The following GULP1 variants were observed in gnomAD, a reference collection of about 807,000 sequenced individuals.
GULP1 encodes PTB domain-containing engulfment adapter protein 1.
A neutral mutation model predicts 40.9 loss-of-function variants in GULP1; 19 were observed. The observed-to-expected ratio is 0.46, with a 90% CI of 0.32 to 0.68. The LOEUF (loss-of-function observed/expected upper bound fraction) is 0.68, where lower values mean the gene tolerates loss of function less well. Ranked by LOEUF, GULP1 falls within the 30% of genes least tolerant of loss-of-function variation. The pLI is 0.03. For synonymous variants in GULP1, 119 were observed against 117.6 expected (o/e 1.01, Z -0.08); for missense variants, 312 against 362.2 (o/e 0.86, Z 1.12).
intron 2 of GULP1, among the ~76,000 whole-genome samples, chr2:188,430,896 G>A (rs778678224): frequency 3.9e-5 from 6 of 152,196 alleles, no homozygotes; most frequent in Non-Finnish European, 8.8e-5. Flanking sequence ...TACTCAAGGA[G>A]ATTAAGAATC....
chr2:188,496,349 C>T (rs148928119), intron 4 of GULP1, among the ~76,000 whole-genome samples: 2 of 152,066 alleles, frequency 1.3e-5, no homozygotes, highest in South Asian at 2.1e-4. Context: ...TTTTATTGCT[C>T]ATTAGAATGG....
chr2:188,429,713 G>GTTT (rs1285532269), intron 2 of GULP1, among the ~76,000 whole-genome samples: 1 of 146,164 alleles, frequency 6.8e-6, no homozygotes, highest in Non-Finnish European at 1.5e-5. Flanking sequence ...TATTTTTGTT[G>GTTT]TTTTTTTTTT....
intron 4 of GULP1, among the ~76,000 whole-genome samples, chr2:188,489,124 A>G (rs567385671): frequency 1.3e-5 from 2 of 152,180 alleles, no homozygotes; most frequent in South Asian, 4.1e-4. Context: ...CAGGTTTTAG[A>G]AATAAATGAC....
intron 1 of GULP1, among the ~76,000 whole-genome samples, chr2:188,357,701 A>G (rs554169092): frequency 6.6e-6 from 1 of 152,278 alleles, no homozygotes; most frequent in South Asian, 2.1e-4. Flanking sequence ...TACTGGGTAT[A>G]TCTAAAGGAA....
At chr2:188,560,883 A>T (rs1373056708) in intron 7 of GULP1, among the ~76,000 whole-genome samples, 1 of 152,232 alleles carries the variant, frequency 6.6e-6, no homozygotes, top group Admixed American at 6.5e-5. Flanking sequence ...CCTACTCACT[A>T]TTATGAGAAC....
chr2:188,483,845 C>T (rs2061630920), intron 4 of GULP1, among the ~76,000 whole-genome samples: 1 of 151,982 alleles, frequency 6.6e-6, no homozygotes, highest in Admixed American at 6.6e-5. Flanking sequence ...ATATAAAAAC[C>T]TGCAAATGAG....
intron 1 of GULP1, among the ~76,000 whole-genome samples, chr2:188,373,280 TA>T (rs1420185999): frequency 6.6e-6 from 1 of 151,898 alleles, no homozygotes; most frequent in Non-Finnish European, 1.5e-5. Flanking sequence ...AAAAGTAGCC[TA>T]ATACTTTCTG....
At chr2:188,470,260 A>G (rs2060478954) in intron 2 of GULP1, among the ~76,000 whole-genome samples, 1 of 152,088 alleles carries the variant, frequency 6.6e-6, no homozygotes, top group African/African-American at 2.4e-5. Flanking sequence ...CATGTTTTGA[A>G]TATCTTCCTG....
chr2:188,409,480 G>A (rs2053582508), intron 2 of GULP1, among the ~76,000 whole-genome samples: 1 of 152,062 alleles, frequency 6.6e-6, no homozygotes, highest in African/African-American at 2.4e-5. Flanking sequence ...TCCCATGAAG[G>A]AAAAGCCCAG....
intron 1 of GULP1, among the ~76,000 whole-genome samples, chr2:188,369,175 A>G (rs1427867270): frequency 2.0e-5 from 3 of 151,260 alleles, no homozygotes; most frequent in Non-Finnish European, 3.0e-5. Flanking sequence ...TGGTGATGCT[A>G]GTCTCAAACC....
At chr2:188,329,761 T>C (rs1248001716) in intron 1 of GULP1, among the ~76,000 whole-genome samples, 1 of 152,048 alleles carries the variant, frequency 6.6e-6, no homozygotes, top group Non-Finnish European at 1.5e-5. Context: ...GCAATGGTGA[T>C]TGTAGAAGCA....
intron 4 of GULP1, among the ~76,000 whole-genome samples, chr2:188,502,705 A>G (rs1372782852): frequency 1.3e-5 from 2 of 151,962 alleles, no homozygotes; most frequent in African/African-American, 4.8e-5. Context: ...CAGTAATTTA[A>G]TTTAATCTCT....
intron 4 of GULP1, among the ~76,000 whole-genome samples, chr2:188,517,919 C>T (rs111803641): frequency 4.6e-5 from 7 of 151,996 alleles, no homozygotes; most frequent in African/African-American, 1.7e-4. Context: ...CAGAGGTCCC[C>T]GGCCTAATTC....
At chr2:188,408,954 A>G (rs1349087444) in intron 2 of GULP1, among the ~76,000 whole-genome samples, 2 of 152,204 alleles carry the variant, frequency 1.3e-5, no homozygotes, top group African/African-American at 4.8e-5. Flanking sequence ...GTGAAAATGG[A>G]AGCACAATAT....
intron 2 of GULP1, among the ~76,000 whole-genome samples, chr2:188,425,885 C>A (rs150868180): frequency 8.0e-4 from 122 of 152,072 alleles, no homozygotes; most frequent in Middle Eastern, 6.8e-3. Context: ...TATCTAGGAT[C>A]GTATTTTCAT....
rs140375627 is a variant in GULP1, at chr2:188,475,415, G to T, written c.-44-2244G>T. ...AGAGTTTTTTTTTGTTGTTATTCTT[G>T]TTCCATTTATATGCCCCCAAGTTGT... is the stretch of plus-strand genomic sequence containing the variant. On this transcript the variant is annotated intron_variant, in intron 2 of 11. Coordinates refer to ENST00000409830, the MANE Select transcript of GULP1 (RefSeq NM_016315.4). Among the ~76,000 whole-genome samples the T allele has an allele frequency of 8.3e-3, 1,257 of 151,492 alleles. 5 individuals are homozygous for T. The highest frequency in any genetic ancestry group is 0.013 in the Non-Finnish European group (907 of 67,754).
At chr2:188,487,063 T>A (rs1374455013) in intron 4 of GULP1, among the ~76,000 whole-genome samples, 3 of 151,972 alleles carry the variant, frequency 2.0e-5, no homozygotes, top group Non-Finnish European at 4.4e-5. Context: ...ATTAGAATGT[T>A]AATGCAGAAA....
At chr2:188,443,563 AACAGT>A (rs1318612644) in intron 2 of GULP1, among the ~76,000 whole-genome samples, 5 of 152,242 alleles carry the variant, frequency 3.3e-5, no homozygotes, top group Non-Finnish European at 5.9e-5. Flanking sequence ...ACTCATCTAG[AACAGT>A]ATTTTATCAG....
intron 7 of GULP1, among the ~76,000 whole-genome samples, chr2:188,549,298 C>A (rs1692837480): frequency 6.6e-6 from 1 of 151,722 alleles, no homozygotes; most frequent in Non-Finnish European, 1.5e-5. Flanking sequence ...TCATTCAACA[C>A]TCAACAATAT....
Sources: gnomAD v4.1 joint callset for allele counts (sites outside exome capture counted in the v4.1 genomes callset) on GRCh38, gnomAD v4.1.1 for gene constraint, MANE v1.5 for transcripts, NCBI Gene and HGNC (gene_info 2026-07-23, HGNC 2026-07-21) for gene names.